MYPN: variants seen among roughly 807,000 people sequenced by gnomAD.
MYPN encodes myopalladin, also known as sarcomeric protein myopalladin, 145 kDa (MYOP).
A neutral mutation model predicts 129.4 loss-of-function variants in MYPN; 63 were observed. The observed-to-expected ratio is 0.49, with a 90% CI of 0.40 to 0.60. The LOEUF is 0.60. Among genes scored for constraint, MYPN ranks in the 20% least tolerant of loss-of-function variants. The pLI, the probability that MYPN is intolerant of heterozygous loss-of-function variation, is 0.00. For synonymous variants in MYPN, 629 were observed against 600.9 expected, an observed-to-expected ratio of 1.05 and a Z score of -0.68; for missense variants, 1,596 against 1,635.4, an observed-to-expected ratio of 0.98 and a Z score of 0.42.
At chr10:68,132,125 G>T (rs138282814) in intron 2 of MYPN, among the ~76,000 whole-genome samples, 3 of 152,114 alleles carry the variant, frequency 2.0e-5, no homozygotes, top group African/African-American at 7.2e-5. Flanking sequence ...ATGCTTTCTA[G>T]CTCTATAATA....
intron 15 of MYPN, 92 bp downstream of exon 15, chr10:68,195,624 A>C: frequency 1.9e-6 from 2 of 1,048,796 alleles, no homozygotes; most frequent in Non-Finnish European, 3.0e-6. Flanking sequence ...CAAATTCTTA[A>C]TTAAAGGTAG....
chr10:68,093,991 C>T (rs1274566984), intron 1 of MYPN, among the ~76,000 whole-genome samples: 2 of 152,004 alleles, frequency 1.3e-5, no homozygotes, highest in Non-Finnish European at 2.9e-5. Context: ...TAAACTGTCA[C>T]GGTGGTGGTG....
chr10:68,119,312 C>T (rs935348738), intron 1 of MYPN, among the ~76,000 whole-genome samples: 1 of 152,010 alleles, frequency 6.6e-6, no homozygotes, highest in Non-Finnish European at 1.5e-5. Context: ...AACATGGTTA[C>T]AATTTTTAAA....
intron 1 of MYPN, among the ~76,000 whole-genome samples, chr10:68,098,284 TA>T (rs1451177831): frequency 1.3e-5 from 2 of 152,146 alleles, no homozygotes; most frequent in African/African-American, 4.8e-5. Flanking sequence ...CTTTTATGCT[TA>T]TCTATTTTTT....
At chr10:68,170,050 C>T (rs1210342201) in intron 10 of MYPN, among the ~76,000 whole-genome samples, 1 of 152,166 alleles carries the variant, frequency 6.6e-6, no homozygotes, top group Non-Finnish European at 1.5e-5. Context: ...ACAAAAGTCA[C>T]ACTCTTGATG....
intron 13 of MYPN, among the ~76,000 whole-genome samples, chr10:68,193,801 A>G (rs939894834): frequency 2.8e-5 from 2 of 71,662 alleles, no homozygotes; most frequent in Admixed American, 1.5e-4. Context: ...GTATGTGCAC[A>G]CACACACACA....
intron 1 of MYPN, among the ~76,000 whole-genome samples, chr10:68,100,435 G>T (rs74143006): frequency 6.6e-6 from 1 of 152,158 alleles, no homozygotes; most frequent in African/African-American, 2.4e-5. Flanking sequence ...ACAGTCTGTG[G>T]CTTGAGTGGG....
chr10:68,208,201 C>T (rs2043848378), intron 19 of MYPN, among the ~76,000 whole-genome samples: 2 of 152,066 alleles, frequency 1.3e-5, no homozygotes, highest in African/African-American at 2.4e-5. Context: ...GAAAATCTCA[C>T]ATTCAAAACT....
chr10:68,124,926 C>T (rs2042302865), intron 2 of MYPN, among the ~76,000 whole-genome samples: 1 of 152,176 alleles, frequency 6.6e-6, no homozygotes, highest in Non-Finnish European at 1.5e-5. Flanking sequence ...CCCATGACAG[C>T]TACTACTCAG....
chr10:68,164,663 TA>T (rs1483947911), intron 8 of MYPN, among the ~76,000 whole-genome samples: 1 of 152,250 alleles, frequency 6.6e-6, no homozygotes, highest in Non-Finnish European at 1.5e-5. Flanking sequence ...GCTGCTGTCT[TA>T]TACCTCCTCT....
At chr10:68,186,078 ATAATCT>A (rs530665723) in intron 12 of MYPN, among the ~76,000 whole-genome samples, 4 of 152,362 alleles carry the variant, frequency 2.6e-5, no homozygotes, top group South Asian at 4.1e-4. Context: ...AATGTAGGAA[ATAATCT>A]TAATATATTT....
At chr10:68,192,267 T>G (rs1399276813) in intron 13 of MYPN, among the ~76,000 whole-genome samples, 1 of 152,220 alleles carries the variant, frequency 6.6e-6, no homozygotes, top group African/African-American at 2.4e-5. Context: ...ATATGGTTTT[T>G]GTCTTTGATT....
Position 68,121,502 on chromosome 10 carries a change from G to A in MYPN, c.64G>A (p.Ala22Thr). 6.2e-7 allele frequency: 1 copy of A among 1,614,162 alleles called. No homozygotes were observed. The highest frequency in any genetic ancestry group is 8.5e-7 in the Non-Finnish European group (1 of 1,180,010). ...ISQLLRESYL[A>T]ETRHRGNNER... ...TCAGCTTCTAAGAGAGAGCTATTTA[G>A]CTGAAACCAGACATCGGGGAAACAA... is the stretch of plus-strand genomic sequence containing the variant. The change falls in exon 2 of 20, where the codon GCT (alanine) becomes ACT (threonine). Residue 22 changes from alanine to threonine, a missense_variant. By Grantham distance (58) the Ala-to-Thr change is moderately conservative. Transcript: ENST00000358913.
At position 68,122,038 on chromosome 10, in the gene MYPN, A is replaced by C. The variant is rs1189899691; in HGVS notation, c.600A>C (p.Ser200=). 6.2e-7 allele frequency: 1 copy of C among 1,614,128 alleles called. No individual in the cohort carries two copies. Among genetic ancestry groups the C allele is most frequent in the African/African-American group, 1.3e-5 (1 of 74,950 alleles). Residue 200 remains serine (S), a synonymous_variant, in exon 2 of 20, where the codon TCA becomes TCC. Transcript: ENST00000358913. Reference sequence around the variant, plus strand: ...TGCAGGAAAACAGCTCCAGTTTCTCAGATCTGTCAGAAAGACGAGAAAGAT... The same window carrying C: ...TGCAGGAAAACAGCTCCAGTTTCTCCGATCTGTCAGAAAGACGAGAAAGAT... ...KVMQENSSSF[S]DLSERRERSS... is the part of the protein sequence containing the mutation.
chr10:68,199,550 T>C lies in MYPN; in HGVS notation c.3468T>C (p.Ser1156=). The change falls in exon 17 of 20, where the codon TCT becomes TCC. Residue 1156 remains serine, a synonymous_variant. Transcript: ENST00000358913. ...CTACCAACAAAACCGGGCAGAATTC[T>C]TTTAGTCTGGAGCTCTCTGTAGTAG... is the stretch of plus-strand genomic sequence containing the variant. ...CIATNKTGQN[S]FSLELSVVAK... 2 of 1,613,056 alleles carry C rather than the reference T, an allele frequency of 1.2e-6. No individual in the cohort carries two copies. The highest frequency in any genetic ancestry group is 1.7e-6 in the Non-Finnish European group (2 of 1,179,680).
rs769460067 is a variant in MYPN at position 68,166,523 on chromosome 10, A to G, written c.1830A>G (p.Glu610=). ...TGCCTGAAGATGACAAAGGAAGTGA[A>G]GCATCCTCCGAGGCTGGTGTGGTGA... ...FNLPEDDKGS[E]ASSEAGVVTT... The change falls in exon 10 of 20, where the codon GAA becomes GAG. Residue 610 remains glutamate, a synonymous_variant. Coordinates refer to ENST00000358913, the MANE Select transcript of MYPN (RefSeq NM_032578.4). 1.9e-6 allele frequency: 3 copies of G among 1,614,170 alleles called. No individual in the cohort carries two copies. Among genetic ancestry groups the G allele is most frequent in the Non-Finnish European group, 2.5e-6 (3 of 1,180,022 alleles).
At chr10:68,183,178 C>T (rs975458304) in intron 12 of MYPN, among the ~76,000 whole-genome samples, 1 of 152,024 alleles carries the variant, frequency 6.6e-6, no homozygotes, top group Non-Finnish European at 1.5e-5. Flanking sequence ...TATTTCTCTG[C>T]GGCCAGGCAC....
intron 13 of MYPN, among the ~76,000 whole-genome samples, chr10:68,189,733 G>A (rs1409146375): frequency 2.0e-5 from 3 of 152,286 alleles, no homozygotes; most frequent in Middle Eastern, 3.4e-3. Flanking sequence ...ATTCCATTGT[G>A]TATAGATACC....
At chr10:68,209,741 G>T (rs1336520619) in intron 19 of MYPN, among the ~76,000 whole-genome samples, 1 of 147,770 alleles carries the variant, frequency 6.8e-6, no homozygotes, top group Non-Finnish European at 1.5e-5. Context: ...CCCAGGTGAA[G>T]TGGCATGCCT....
Sources: gnomAD v4.1 joint callset for allele counts (sites outside exome capture counted in the v4.1 genomes callset) on GRCh38, gnomAD v4.1.1 for gene constraint, MANE v1.5 for transcripts, NCBI Gene and HGNC (gene_info 2026-07-23, HGNC 2026-07-21) for gene names.